The following HDAC9 variants were observed in gnomAD, a reference collection of about 807,000 sequenced individuals.
HDAC9 encodes histone deacetylase 9, also known as MEF-2 interacting transcription repressor (MITR) protein.
HDAC9 carries 41 observed loss-of-function variants against 139.4 expected under a neutral mutation model. The observed-to-expected ratio is 0.29, with a 90% CI of 0.23 to 0.38. The LOEUF (loss-of-function observed/expected upper bound fraction) is 0.38. Ranked by LOEUF, HDAC9 falls within the 10% of genes least tolerant of loss-of-function variation. HDAC9 has a pLI of 1.00. For missense variants in HDAC9, 1,147 were observed against 1,297.0 expected (o/e 0.88, Z 1.78); for synonymous variants, 517 against 476.2 (o/e 1.09, Z -1.12).
At chr7:18,852,219 G>A (rs767071263) in intron 21 of HDAC9, among the ~76,000 whole-genome samples, 1 of 152,158 alleles carries the variant, frequency 6.6e-6, no homozygotes, top group Non-Finnish European at 1.5e-5. Context: ...TAACAGTCGG[G>A]GCTGGGAGTG....
intron 12 of HDAC9, among the ~76,000 whole-genome samples, chr7:18,703,983 G>C (rs1186087741): frequency 6.6e-6 from 1 of 152,160 alleles, no homozygotes; most frequent in Non-Finnish European, 1.5e-5. Context: ...TGACTAATGT[G>C]GCATCTCTGC....
At chr7:18,775,349 A>T (rs1467192032) in intron 16 of HDAC9, among the ~76,000 whole-genome samples, 1 of 152,076 alleles carries the variant, frequency 6.6e-6, no homozygotes, top group Non-Finnish European at 1.5e-5. Context: ...ACAAACCTTC[A>T]ATTTGTAAAA....
intron 2 of HDAC9, among the ~76,000 whole-genome samples, chr7:18,223,113 T>G (rs1792815782): frequency 6.6e-6 from 1 of 152,150 alleles, no homozygotes; most frequent in South Asian, 2.1e-4. Context: ...GAATGTCATA[T>G]GTTTGTGGGC....
intron 1 of HDAC9, among the ~76,000 whole-genome samples, chr7:18,337,114 A>C (rs760672008): frequency 6.6e-6 from 1 of 151,704 alleles, no homozygotes; most frequent in Non-Finnish European, 1.5e-5. Flanking sequence ...GGAGAAATTC[A>C]TGAACAACTT....
chr7:18,324,776 G>A (rs1800307898), intron 1 of HDAC9, among the ~76,000 whole-genome samples: 1 of 152,176 alleles, frequency 6.6e-6, no homozygotes, highest in Non-Finnish European at 1.5e-5. Context: ...TCTTGCCTTT[G>A]TGGTGCTTAG....
chr7:18,569,306 T>C (rs1258362005), intron 2 of HDAC9, among the ~76,000 whole-genome samples: 3 of 152,194 alleles, frequency 2.0e-5, no homozygotes, highest in African/African-American at 7.2e-5. Flanking sequence ...TGTCACAAAA[T>C]ATTTTCCTTT....
At chr7:18,559,884 C>T (rs189940893) in intron 2 of HDAC9, among the ~76,000 whole-genome samples, 2 of 152,252 alleles carry the variant, frequency 1.3e-5, no homozygotes, top group East Asian at 3.9e-4. Context: ...GGCTATACCA[C>T]CTAAATATAA....
chr7:18,420,886 G>A (rs1789557346), intron 1 of HDAC9, among the ~76,000 whole-genome samples: 1 of 152,206 alleles, frequency 6.6e-6, no homozygotes, highest in Admixed American at 6.5e-5. Context: ...GGACTAGCGT[G>A]TAAGCTGATA....
chr7:18,594,277 T>A (rs1831837213), intron 6 of HDAC9, among the ~76,000 whole-genome samples: 1 of 152,114 alleles, frequency 6.6e-6, no homozygotes, highest in African/African-American at 2.4e-5. Flanking sequence ...TTAGCCAAAT[T>A]ATTTTCTTAC....
chr7:18,875,766 C>T (rs574935402), intron 22 of HDAC9, among the ~76,000 whole-genome samples: 1 of 152,172 alleles, frequency 6.6e-6, no homozygotes, highest in Non-Finnish European at 1.5e-5. Context: ...TATTATTATC[C>T]ATGGAACTCA....
At chr7:18,578,075 C>T (rs1332948329) in intron 2 of HDAC9, 1 of 509,818 alleles carries the variant, frequency 2.0e-6, no homozygotes, top group Non-Finnish European at 3.9e-6. Flanking sequence ...GCTAGAATCC[C>T]AAAGATCCCT....
At chr7:18,148,241 C>T (rs961194006) in intron 1 of HDAC9, among the ~76,000 whole-genome samples, 4 of 152,118 alleles carry the variant, frequency 2.6e-5, no homozygotes, top group African/African-American at 4.8e-5. Flanking sequence ...GCTACACTCA[C>T]GGTATCCGCA....
chr7:18,813,569 T>C (rs1302048110), intron 17 of HDAC9, among the ~76,000 whole-genome samples: 2 of 152,170 alleles, frequency 1.3e-5, no homozygotes, highest in Non-Finnish European at 2.9e-5. Flanking sequence ...AAATGGAGGA[T>C]AGGACAAATA....
intron 17 of HDAC9, among the ~76,000 whole-genome samples, chr7:18,806,379 C>T (rs1349410606): frequency 2.6e-5 from 4 of 152,148 alleles, no homozygotes. Flanking sequence ...GAATTCCTTT[C>T]CTTGTGGTCG....
chr7:18,593,852 A>G (rs1831682455), intron 5 of HDAC9, 56 bp from the exon 6 acceptor site: 2 of 1,596,360 alleles, frequency 1.3e-6, no homozygotes, highest in Non-Finnish European at 1.7e-6. Flanking sequence ...ATTATTGCTG[A>G]CCAATATGCA....
intron 17 of HDAC9, among the ~76,000 whole-genome samples, chr7:18,804,997 C>T (rs1034161156): frequency 2.6e-5 from 4 of 152,092 alleles, no homozygotes; most frequent in African/African-American, 4.8e-5. Flanking sequence ...TGTTTTGCCA[C>T]GTTGCCCAGG....
intron 25 of HDAC9, among the ~76,000 whole-genome samples, chr7:18,993,185 G>A (rs1277668903): frequency 8.9e-6 from 1 of 112,760 alleles, no homozygotes; most frequent in Non-Finnish European, 1.9e-5. Context: ...GAGAGCTAGG[G>A]CTATGAGAAG....
chr7:18,633,282 A>C (rs1782890298), intron 7 of HDAC9, among the ~76,000 whole-genome samples: 1 of 152,100 alleles, frequency 6.6e-6, no homozygotes, highest in Admixed American at 6.6e-5. Flanking sequence ...TGAGGCCTTC[A>C]AGTGTGGTGG....
intron 1 of HDAC9, among the ~76,000 whole-genome samples, chr7:18,353,480 C>G (rs553207650): frequency 5.3e-5 from 8 of 152,160 alleles, no homozygotes; most frequent in Non-Finnish European, 1.0e-4. Context: ...AAGTAAATGA[C>G]TTTCTTCCCT....
Sources: allele counts gnomAD v4.1 joint callset (sites outside exome capture counted in the v4.1 genomes callset), GRCh38; gene constraint gnomAD v4.1.1; transcripts MANE v1.5; gene names NCBI Gene and HGNC (gene_info 2026-07-23, HGNC 2026-07-21).